The following ARHGEF17 variants were observed in gnomAD, a reference collection of about 807,000 sequenced individuals.
The protein encoded by ARHGEF17 is 164 kDa Rho-specific guanine-nucleotide exchange factor.
In ARHGEF17, 80 loss-of-function variants were observed where a neutral mutation model predicts 174.0. That is an observed-to-expected ratio of 0.46 (90% CI 0.38 to 0.55). ARHGEF17 has a LOEUF of 0.55. Among genes scored for constraint, ARHGEF17 ranks in the 20% least tolerant of loss-of-function variants. The pLI is 0.00. For missense variants in ARHGEF17, 2,886 were observed against 2,839.7 expected (o/e 1.02, Z -0.37); for synonymous variants, 1,311 against 1,189.1 (o/e 1.10, Z -2.11).
chr11:73,364,635 G>T, intron 18 of ARHGEF17, 35 bp downstream of exon 18: 1 of 1,589,774 alleles, frequency 6.3e-7, no homozygotes, highest in Non-Finnish European at 8.5e-7. Flanking sequence ...TTGGTGCCAT[G>T]GGATGAGCTA....
intron 1 of ARHGEF17, among the ~76,000 whole-genome samples, chr11:73,326,716 G>A (rs1042409409): frequency 1.3e-5 from 2 of 152,054 alleles, no homozygotes; most frequent in East Asian, 1.9e-4. Context: ...GTGAAACTCC[G>A]TCTCAAAAAA....
At chr11:73,327,055 A>G (rs1465930439) in intron 1 of ARHGEF17, among the ~76,000 whole-genome samples, 1 of 152,220 alleles carries the variant, frequency 6.6e-6, no homozygotes, top group African/African-American at 2.4e-5. Flanking sequence ...CCAGGTCTCC[A>G]GACGCAGCCA....
Position 73,356,365 on chromosome 11 carries a change from G to T in ARHGEF17, c.3840+14G>T. 1 of 1,593,360 alleles carries T rather than the reference G, an allele frequency of 6.3e-7. No homozygotes were observed. ...GGCATGGAGGATGTGCGTGCGCCCT[G>T]CCCCACCCCACCCTACCCCACCCCA... On this transcript the variant is annotated intron_variant, in intron 6 of 20. Coordinates refer to ENST00000263674, the MANE Select transcript of ARHGEF17 (RefSeq NM_014786.4).
At position 73,308,545 on chromosome 11, in the gene ARHGEF17, C is replaced by T. The variant is rs1008989539; in HGVS notation, c.-94C>T. ...TTCCCACACTCCCGTGCGCTGCTTTCGGCGTGGGCCGCTGCGCTCCTAGGG... is the reference window on the plus strand; with the variant it reads ...TTCCCACACTCCCGTGCGCTGCTTTTGGCGTGGGCCGCTGCGCTCCTAGGG... On this transcript the variant is annotated 5_prime_UTR_variant, in exon 1 of 21. Transcript: ENST00000263674. 22 of 1,134,842 alleles carry T rather than the reference C, an allele frequency of 1.9e-5. No homozygotes were observed. Among genetic ancestry groups the T allele is most frequent in the African/African-American group, 4.9e-5 (3 of 60,924 alleles). 70.3% of individuals were successfully genotyped at this position (1,134,842 alleles called of 1,614,324 possible).
In ARHGEF17 at chr11:73,365,475, G is replaced by A. The variant is rs1865819335; in HGVS notation, c.5636G>A (p.Gly1879Asp). The A allele has an allele frequency of 1.2e-6, 2 of 1,613,920 alleles. No homozygotes were observed. Among genetic ancestry groups the A allele is most frequent in the African/African-American group, 2.7e-5 (2 of 74,896 alleles). Residue 1879 changes from glycine to aspartate, a missense_variant, in exon 19 of 21, where the codon GGT becomes GAT. Physicochemically the swap from Gly to Asp is moderately conservative, Grantham distance 94. Around this residue, in one of 4 missense-constraint regions of ARHGEF17, gnomAD observed 329 missense variants for 435.2 expected, o/e 0.76. Coordinates refer to ENST00000263674, the MANE Select transcript of ARHGEF17 (RefSeq NM_014786.4). The surrounding 1 kb of genome is among the most constrained non-coding windows in gnomAD (Gnocchi z 4.9). Reference sequence around the variant, plus strand: ...CTGGGTGTGTGGGTGACATTGAAAGGTAGTGCCCACGTGTGTCTCTACCAT... The same window carrying A: ...CTGGGTGTGTGGGTGACATTGAAAGATAGTGCCCACGTGTGTCTCTACCAT... The part of the protein sequence containing the change: ...SSLGVWVTLK[G>D]SAHVCLYHPD...
chr11:73,364,794 G>C (rs1438724525), intron 18 of ARHGEF17, 194 bp downstream of exon 18: 5 of 671,014 alleles, frequency 7.5e-6, no homozygotes, highest in East Asian at 2.9e-5. Context: ...GAGGAATACA[G>C]TAAGTGTCCC....
intron 1 of ARHGEF17, among the ~76,000 whole-genome samples, chr11:73,331,127 C>T (rs1865196736): frequency 6.6e-6 from 1 of 152,202 alleles, no homozygotes; most frequent in Non-Finnish European, 1.5e-5. Flanking sequence ...AGTGGACAGA[C>T]CACATCCCCC....
chr11:73,318,989 C>G (rs1487627845), intron 1 of ARHGEF17, among the ~76,000 whole-genome samples: 1 of 152,192 alleles, frequency 6.6e-6, no homozygotes, highest in Non-Finnish European at 1.5e-5. Context: ...GCCAGCACTC[C>G]TTGGCCTGTG....
At chr11:73,360,969 C>A in intron 11 of ARHGEF17, 119 bp from the exon 12 acceptor site, 1 of 773,082 alleles carries the variant, frequency 1.3e-6, no homozygotes, top group Non-Finnish European at 2.1e-6. Flanking sequence ...TGGGATCAGG[C>A]CTTCCCCTAA....
intron 20 of ARHGEF17, among the ~76,000 whole-genome samples, chr11:73,367,178 T>G (rs1297083573): frequency 2.0e-5 from 3 of 152,102 alleles, no homozygotes; most frequent in African/African-American, 7.2e-5. Context: ...AAGCCTCGGG[T>G]CAGGAGTTGT....
In ARHGEF17 at chr11:73,367,531, C is replaced by A. The variant is rs1865859994; in HGVS notation, c.5996-53C>A. The stretch of plus-strand genomic sequence containing the variant: ...TGTGGGAATTCAGGCCCCGATGGGA[C>A]AGTGAAGCCTCCATTCGCCCCCAAG... On this transcript the variant is annotated intron_variant, in intron 20 of 20. Coordinates refer to ENST00000263674, the MANE Select transcript of ARHGEF17 (RefSeq NM_014786.4). 5 of 1,487,302 alleles carry A rather than the reference C, an allele frequency of 3.4e-6. No individual in the cohort carries two copies. The South Asian group carries it at 3.6e-5, about 11-fold the overall frequency. 92.1% of individuals were successfully genotyped at this position (1,487,302 alleles called of 1,614,324 possible). A position where few individuals can be genotyped will look rare whatever the true frequency, so the allele number is the denominator to read the frequency against.
At chr11:73,356,891 G>A in intron 7 of ARHGEF17, 132 bp downstream of exon 7, 3 of 1,499,204 alleles carry the variant, frequency 2.0e-6, no homozygotes, top group Non-Finnish European at 2.8e-6. Context: ...TCCCCACTCT[G>A]CTCTGACTCT....
At chr11:73,328,306 G>A (rs933053945) in intron 1 of ARHGEF17, among the ~76,000 whole-genome samples, 16 of 152,210 alleles carry the variant, frequency 1.1e-4, no homozygotes, top group African/African-American at 3.6e-4. Context: ...GCAGGCTGGG[G>A]GCTCTGCCGG....
chr11:73,329,373 A>ATTTTTTTTT (rs1192905396), intron 1 of ARHGEF17, among the ~76,000 whole-genome samples: 3 of 13,168 alleles, frequency 2.3e-4, no homozygotes, highest in African/African-American at 5.1e-4. Flanking sequence ...ATATATATAT[A>ATTTTTTTTT]TTTTTTTTTT....
rs779477102 is a variant in ARHGEF17, at chr11:73,311,627, A to C, written c.2989A>C (p.Thr997Pro). 3 of 1,613,116 alleles carry C rather than the reference A, an allele frequency of 1.9e-6. No homozygotes were observed. In the Admixed American group the frequency reaches 5.0e-5, roughly 27 times the overall value. ...PIGFPTRAHP[T>P]LQAPSLEDVT... The stretch of plus-strand genomic sequence containing the variant: ...AGGCTTCCCTACCCGAGCCCATCCC[A>C]CGTTGCAGGCACCATCGCTCGAGGA... Residue 997 changes from threonine (T) to proline (P), a missense_variant, in exon 1 of 21, where the codon ACG becomes CCG. Physicochemically the swap from Thr to Pro is conservative, Grantham distance 38 (BLOSUM62 -1). Around this residue, in one of 4 missense-constraint regions of ARHGEF17, gnomAD observed 1,728 missense variants for 1,461.2 expected, o/e 1.18. Transcript: ENST00000263674.
Position 73,343,445 on chromosome 11 carries a change from G to A in ARHGEF17, c.3193-3438G>A, listed in dbSNP as rs117561976. Among the ~76,000 whole-genome samples the A allele has an allele frequency of 6.0e-3, 917 of 152,272 alleles. 8 individuals carry two copies. The highest frequency in any genetic ancestry group is 0.027 in the Middle Eastern group (8 of 294). On this transcript the variant is annotated intron_variant, in intron 1 of 20. Coordinates refer to ENST00000263674, the MANE Select transcript of ARHGEF17 (RefSeq NM_014786.4). ...TTGCCGGTGAGGAACCCTGGCAGGC[G>A]GTGGTGTGGCTGGCAGGGCGCTGAG...
At chr11:73,326,413 T>C (rs535276160) in intron 1 of ARHGEF17, among the ~76,000 whole-genome samples, 1 of 152,148 alleles carries the variant, frequency 6.6e-6, no homozygotes, top group South Asian at 2.1e-4. Flanking sequence ...AAGCCTGGAC[T>C]TGATCCCAGA....
At chr11:73,312,481 AC>A (rs1864855314) in intron 1 of ARHGEF17, among the ~76,000 whole-genome samples, 1 of 152,140 alleles carries the variant, frequency 6.6e-6, no homozygotes, top group East Asian at 1.9e-4. Flanking sequence ...AGATAGGTGG[AC>A]AAACTAGTGC....
Position 73,360,237 on chromosome 11 carries a change from A to G in ARHGEF17, c.4207-83A>G. The G allele has an allele frequency of 2.0e-6, 3 of 1,473,928 alleles. No homozygotes were observed. In the South Asian group the frequency reaches 3.5e-5, roughly 17 times the overall value. The allele number at this position is 1,473,928 out of a possible 1,614,324, so 91.3% of individuals were successfully genotyped here. A position where few individuals can be genotyped will look rare whatever the true frequency, so the allele number is the denominator to read the frequency against. On this transcript the variant is annotated intron_variant, in intron 10 of 20. Transcript: ENST00000263674. ...ACAGTCTCACTTGCTGTCTAAGGAG[A>G]GAGGCAGGTCCCCACACATTAAGGG... is the stretch of plus-strand genomic sequence containing the variant.
Sources: allele counts gnomAD v4.1 joint callset (sites outside exome capture counted in the v4.1 genomes callset), GRCh38; gene constraint gnomAD v4.1.1; regional missense constraint gnomAD v4.1.1; non-coding constraint Gnocchi (gnomAD v3.1); transcripts MANE v1.5; gene names NCBI Gene and HGNC (gene_info 2026-07-23, HGNC 2026-07-21).